Variants in PSD3 observed in about 807,000 individuals in gnomAD.
PSD3 encodes pleckstrin and Sec7 domain containing 3.
A neutral mutation model predicts 105.5 loss-of-function variants in PSD3; 49 were observed. The ratio of observed to expected loss-of-function variants is 0.46; its 90% CI spans 0.37 to 0.59. The LOEUF (loss-of-function observed/expected upper bound fraction) is 0.59. Among genes scored for constraint, PSD3 ranks in the 20% least tolerant of loss-of-function variants. The pLI is 0.00. For synonymous variants in PSD3, 557 were observed against 457.8 expected, an observed-to-expected ratio of 1.22 and a Z score of -2.77; for missense variants, 1,561 against 1,263.8, an observed-to-expected ratio of 1.24 and a Z score of -3.57.
At chr8:18,999,663 A>T (rs1404105930) in intron 1 of PSD3, among the ~76,000 whole-genome samples, 1 of 151,902 alleles carries the variant, frequency 6.6e-6, no homozygotes, top group Non-Finnish European at 1.5e-5. Context: ...TTTTTACTAA[A>T]CAGAGGCAAA....
chr8:19,061,455 A>C (rs1828891880), intron 1 of PSD3, among the ~76,000 whole-genome samples: 1 of 152,150 alleles, frequency 6.6e-6, no homozygotes, highest in South Asian at 2.1e-4. Flanking sequence ...AGGAGCGGAC[A>C]GGTATTACTA....
intron 8 of PSD3, among the ~76,000 whole-genome samples, chr8:18,779,169 G>A (rs138569198): frequency 6.6e-6 from 1 of 152,114 alleles, no homozygotes; most frequent in East Asian, 1.9e-4. Flanking sequence ...ATTTCTTCAT[G>A]GCCAAATATT....
chr8:18,577,310 C>A (rs1037570914), intron 12 of PSD3, among the ~76,000 whole-genome samples: 4 of 151,956 alleles, frequency 2.6e-5, no homozygotes, highest in African/African-American at 4.8e-5. Context: ...TAAGGTTTTT[C>A]TTGTGGCCAA....
chr8:18,684,127 T>C (rs952398761), intron 9 of PSD3: 5 of 513,774 alleles, frequency 9.7e-6, no homozygotes, highest in African/African-American at 9.6e-5. Flanking sequence ...CGAGTCTGAT[T>C]GTTCCAGGCA....
At chr8:18,722,854 A>C (rs1803088368) in intron 9 of PSD3, among the ~76,000 whole-genome samples, 1 of 152,196 alleles carries the variant, frequency 6.6e-6, no homozygotes, top group Admixed American at 6.5e-5. Flanking sequence ...TATGCCCTCC[A>C]AACTCTAATT....
chr8:18,805,239 A>G (rs1191822479), intron 4 of PSD3, among the ~76,000 whole-genome samples: 2 of 152,204 alleles, frequency 1.3e-5, no homozygotes, highest in African/African-American at 4.8e-5. Flanking sequence ...CTCACTTAAA[A>G]ATAAATCTGT....
intron 2 of PSD3, among the ~76,000 whole-genome samples, chr8:18,876,773 A>C (rs530276369): frequency 2.0e-5 from 3 of 152,292 alleles, no homozygotes; most frequent in Admixed American, 2.0e-4. Context: ...ACCTATGTCT[A>C]ATATTTTAAG....
intron 9 of PSD3, among the ~76,000 whole-genome samples, chr8:18,701,601 A>G (rs1328984957): frequency 6.6e-6 from 1 of 152,222 alleles, no homozygotes; most frequent in Non-Finnish European, 1.5e-5. Context: ...GAAGTCTTCC[A>G]TTGTTGAAGG....
intron 1 of PSD3, among the ~76,000 whole-genome samples, chr8:19,082,550 G>A (rs1269858573): frequency 6.6e-6 from 1 of 152,156 alleles, no homozygotes; most frequent in African/African-American, 2.4e-5. Context: ...AACTTAGACC[G>A]AGCAGATGTC....
At chr8:18,721,157 A>T (rs1007387340) in intron 9 of PSD3, 1 of 152,022 alleles carries the variant, frequency 6.6e-6, no homozygotes, top group Non-Finnish European at 1.5e-5. Flanking sequence ...GTCCCACCGG[A>T]CACCCCTGAA....
At chr8:18,550,822 T>G (rs117915158) in intron 15 of PSD3, among the ~76,000 whole-genome samples, 3,566 of 152,282 alleles carry the variant, frequency 0.023, 61 homozygotes, top group East Asian at 0.085. Flanking sequence ...ATTTCCTCAA[T>G]AATTCTATTA....
At chr8:18,574,015 A>G (rs987776331) in intron 13 of PSD3, among the ~76,000 whole-genome samples, 5 of 152,220 alleles carry the variant, frequency 3.3e-5, no homozygotes, top group Admixed American at 2.6e-4. Context: ...ATGTGATCAT[A>G]TTTTTAATTT....
At chr8:19,003,595 C>T (rs1826512511) in intron 1 of PSD3, among the ~76,000 whole-genome samples, 1 of 151,904 alleles carries the variant, frequency 6.6e-6, no homozygotes, top group Non-Finnish European at 1.5e-5. Flanking sequence ...TCCAGAGATT[C>T]AGCAATGGTA....
At chr8:18,581,323 C>T (rs556551555) in intron 12 of PSD3, among the ~76,000 whole-genome samples, 3 of 152,022 alleles carry the variant, frequency 2.0e-5, no homozygotes, top group African/African-American at 7.3e-5. Context: ...CTTCACATTC[C>T]CATAGTAATA....
intron 1 of PSD3, among the ~76,000 whole-genome samples, chr8:19,055,001 G>GA (rs1278820431): frequency 6.6e-6 from 1 of 151,610 alleles, no homozygotes; most frequent in Non-Finnish European, 1.5e-5. Flanking sequence ...AAAGCACTGT[G>GA]ACTTCTCCTA....
intron 2 of PSD3, among the ~76,000 whole-genome samples, chr8:18,935,812 T>A (rs750327120): frequency 1.3e-5 from 2 of 152,184 alleles, no homozygotes; most frequent in Non-Finnish European, 2.9e-5. Context: ...AGCTGAGAAT[T>A]CTTCAAACCA....
At chr8:18,715,629 G>A (rs932634802) in intron 9 of PSD3, among the ~76,000 whole-genome samples, 2 of 152,166 alleles carry the variant, frequency 1.3e-5, no homozygotes, top group African/African-American at 2.4e-5. Context: ...GCTTGGAAGT[G>A]TTTCCCAAAC....
chr8:19,064,588 C>T lies in PSD3; in HGVS notation c.324+19618G>A, dbSNP rs577238520. On this transcript the variant is annotated intron_variant, in intron 1 of 1. Coordinates refer to the PSD3 transcript ENST00000521475. ...TCTAATAATACCGAGATAATCTAAA[C>T]GCTGCTCAGCAGATTAATCTTCTGA... Among the ~76,000 whole-genome samples the T allele has an allele frequency of 2.7e-4, 41 of 152,148 alleles. No homozygotes were observed. In the East Asian group the frequency reaches 6.8e-3, roughly 25 times the overall value.
intron 9 of PSD3, among the ~76,000 whole-genome samples, chr8:18,691,989 A>G (rs1800996296): frequency 6.6e-6 from 1 of 152,148 alleles, no homozygotes; most frequent in Admixed American, 6.5e-5. Context: ...TTCATTTTTC[A>G]TTTCTTTGAT....
Sources: gnomAD v4.1 joint callset for allele counts (sites outside exome capture counted in the v4.1 genomes callset) on GRCh38, gnomAD v4.1.1 for gene constraint, MANE v1.5 for transcripts, NCBI Gene and HGNC (gene_info 2026-07-23, HGNC 2026-07-21) for gene names.